Variants in SLC12A9 observed in about 807,000 individuals in gnomAD.
The protein encoded by SLC12A9 is solute carrier family 12 member 9, also known as CCC-interacting protein 1.
In SLC12A9, 55 loss-of-function variants were observed where a neutral mutation model predicts 66.0. The ratio of observed to expected loss-of-function variants is 0.83; its 90% confidence interval spans 0.67 to 1.04. The LOEUF is 1.04. SLC12A9 is among the 50% of genes least tolerant of loss of function. SLC12A9 has a pLI of 0.00. For synonymous variants in SLC12A9, 577 were observed against 569.0 expected (o/e 1.01, Z -0.20); for missense variants, 1,061 against 1,241.9 (o/e 0.85, Z 2.19).
At chr7:100,855,989 G>A in intron 4 of SLC12A9, 152 bp downstream of exon 4, 2 of 1,219,160 alleles carry the variant, frequency 1.6e-6, no homozygotes, top group Non-Finnish European at 2.2e-6. Context: ...CATCGTGCAG[G>A]AGATATGGAC....
At chr7:100,837,462 C>CCTCTCT in intron 1 of SLC12A9, 1 of 152,344 alleles carries the variant, frequency 6.6e-6, no homozygotes, top group African/African-American at 2.4e-5. Context: ...CGTTGGTTGC[C>CCTCTCT]CTCTCTCTGA....
At chr7:100,865,142 G>C in intron 13 of SLC12A9, 1 of 931,994 alleles carries the variant, frequency 1.1e-6, no homozygotes, top group Non-Finnish European at 1.7e-6. Flanking sequence ...ATTTTTAGTA[G>C]AGATAGCATT....
At chr7:100,864,567 C>A (rs1414197327) in intron 13 of SLC12A9, among the ~76,000 whole-genome samples, 1 of 140,898 alleles carries the variant, frequency 7.1e-6, no homozygotes, top group Non-Finnish European at 1.6e-5. Flanking sequence ...AAGGGTTGTT[C>A]AAAAATTAAG....
exon 1 of SLC12A9, chr7:100,826,966 C>CG (rs1554421557): frequency 6.8e-7 from 1 of 1,475,272 alleles, no homozygotes; most frequent in Non-Finnish European, 9.0e-7. Context: ...CCCCCCCCCG[C>CG]AAGGAAACTC....
intron 1 of SLC12A9, among the ~76,000 whole-genome samples, chr7:100,831,003 C>T (rs1052922279): frequency 1.3e-5 from 2 of 152,122 alleles, no homozygotes; most frequent in Non-Finnish European, 2.9e-5. Context: ...GCAGACCAAA[C>T]CAAACTCAGC....
intron 1 of SLC12A9, among the ~76,000 whole-genome samples, chr7:100,836,087 C>T (rs1813652614): frequency 6.6e-6 from 1 of 152,122 alleles, no homozygotes; most frequent in Non-Finnish European, 1.5e-5. Context: ...TGAGGCCAAG[C>T]CCCCCCATGC....
rs1020340027 is a variant in SLC12A9, at chr7:100,866,678, G to A, written c.*73G>A. 4 of 1,398,086 alleles carry A rather than the reference G, an allele frequency of 2.9e-6. No homozygotes were observed. In the Admixed American group the frequency reaches 8.7e-5, roughly 30 times the overall value. The allele number at this position is 1,398,086 out of a possible 1,614,324, so 86.6% of individuals were successfully genotyped here. ...ATCCTGATCCTTGGAGGAGGAGGAAGAGGAGGCCACTGTGGCCCGTGGCCC... is the reference window on the plus strand; with the variant it reads ...ATCCTGATCCTTGGAGGAGGAGGAAAAGGAGGCCACTGTGGCCCGTGGCCC... On this transcript the variant is annotated 3_prime_UTR_variant, in exon 14 of 14. Coordinates refer to ENST00000354161, the MANE Select transcript of SLC12A9 (RefSeq NM_020246.4). The surrounding 1 kb of genome is among the most constrained non-coding windows in gnomAD (Gnocchi z 7.3).
chr7:100,830,700 A>G (rs921190965), intron 1 of SLC12A9, among the ~76,000 whole-genome samples: 3 of 152,082 alleles, frequency 2.0e-5, no homozygotes, highest in African/African-American at 7.2e-5. Flanking sequence ...TTTGTAAAAC[A>G]TGGTTCCTGG....
rs200992074 is a variant in SLC12A9, at chr7:100,866,334, G to A, written c.2474G>A (p.Arg825Gln). The A allele has an allele frequency of 6.9e-5, 104 of 1,507,190 alleles. No individual in the cohort carries two copies. In the African/African-American group the frequency reaches 7.3e-4, roughly 11 times the overall value. 93.4% of individuals were successfully genotyped at this position (1,507,190 alleles called of 1,614,324 possible). The change falls in exon 14 of 14, where the codon CGG becomes CAG. Residue 825 changes from arginine (R) to glutamine (Q), a missense_variant. Physicochemically the swap from Arg to Gln is conservative, Grantham distance 43. Transcript: ENST00000354161. This position sits in a 1 kb window ranked among gnomAD's most constrained non-coding sequence, Gnocchi z 7.3. ...GAAGGGGACTTTGTGAACAGTGGGC[G>A]GGGAGACGCAGAGGCAGAGGCCCTG... ...EEEGDFVNSGRGDAEAEALAR... is the reference protein window; with the variant it reads ...EEEGDFVNSGQGDAEAEALAR...
chr7:100,833,465 T>C (rs1188194860), intron 1 of SLC12A9, among the ~76,000 whole-genome samples: 1 of 150,532 alleles, frequency 6.6e-6, no homozygotes, highest in Non-Finnish European at 1.5e-5. Context: ...CGAGACTCTG[T>C]CTCAAAGCAA....
chr7:100,863,928 A>G (rs1814917584), intron 13 of SLC12A9, among the ~76,000 whole-genome samples: 1 of 152,158 alleles, frequency 6.6e-6, no homozygotes, highest in African/African-American at 2.4e-5. Flanking sequence ...ACCTGCGGAG[A>G]TGTTTTGGGG....
chr7:100,859,703 C>A (rs1009373934), intron 7 of SLC12A9, 182 bp from the exon 8 acceptor site: 7 of 725,020 alleles, frequency 9.7e-6, no homozygotes, highest in South Asian at 2.0e-5. Context: ...GGAGTGAGAC[C>A]TTGTCTCTTA....
At chr7:100,856,031 T>C in intron 4 of SLC12A9, 194 bp downstream of exon 4, 4 of 748,106 alleles carry the variant, frequency 5.3e-6, no homozygotes, top group Non-Finnish European at 5.8e-6. Flanking sequence ...TGCAGGGAGC[T>C]AACCATCTAA....
At chr7:100,834,703 G>A (rs2116500767) in intron 1 of SLC12A9, among the ~76,000 whole-genome samples, 1 of 152,178 alleles carries the variant, frequency 6.6e-6, no homozygotes. Context: ...GCAACATGAT[G>A]AATCCTCATC....
intron 1 of SLC12A9, among the ~76,000 whole-genome samples, chr7:100,842,437 G>T (rs577313658): frequency 6.6e-6 from 1 of 152,256 alleles, no homozygotes; most frequent in South Asian, 2.1e-4. Context: ...CTCAGACTGG[G>T]CATTAGTAAA....
At chr7:100,833,932 C>CAAAAAAAAAAAAA (rs60667059) in intron 1 of SLC12A9, among the ~76,000 whole-genome samples, 4 of 63,076 alleles carry the variant, frequency 6.3e-5, no homozygotes, top group African/African-American at 3.6e-4. Context: ...GACTCTGTCT[C>CAAAAAAAAAAAAA]AAAAAAAAAA....
At chr7:100,833,890 G>A (rs1404926600) in intron 1 of SLC12A9, among the ~76,000 whole-genome samples, 3 of 126,154 alleles carry the variant, frequency 2.4e-5, no homozygotes, top group Admixed American at 9.1e-5. Flanking sequence ...CCCAGATCAC[G>A]CCACTGCACT....
rs763438920 is a variant in SLC12A9 at position 100,860,252 on chromosome 7, G to T, written c.1218+20G>T. ...GTGCAGGTGAGCCTTCTTCTTCAAG[G>T]GGCCCTTTCCCTCACCCCACCAGCT... On this transcript the variant is annotated intron_variant, in intron 9 of 13. Transcript: ENST00000354161. 2.5e-6 allele frequency: 4 copies of T among 1,611,086 alleles called. No individual in the cohort carries two copies. In the African/African-American group the frequency reaches 5.3e-5, roughly 22 times the overall value.
At position 100,859,990 on chromosome 7, in the gene SLC12A9, G is replaced by T. The variant is rs148126705; in HGVS notation, c.1083G>T (p.Ser361=). Reference sequence around the variant, plus strand: ...CAGCGCTCTCAGCGTCCATGAGCTCGCTCATTGGTGCCTCCCGCATCCTCC... The same window carrying T: ...CAGCGCTCTCAGCGTCCATGAGCTCTCTCATTGGTGCCTCCCGCATCCTCC... ...YATALSASMS[S]LIGASRILHA... Residue 361 remains serine (S), a synonymous_variant, in exon 8 of 14, where the codon TCG becomes TCT. Coordinates refer to ENST00000354161, the MANE Select transcript of SLC12A9 (RefSeq NM_020246.4). The T allele has an allele frequency of 3.1e-6, 5 of 1,613,276 alleles. No homozygotes were observed. The highest frequency in any genetic ancestry group is 1.3e-5 in the African/African-American group (1 of 74,892).
Sources: gnomAD v4.1 joint callset for allele counts (sites outside exome capture counted in the v4.1 genomes callset) on GRCh38, gnomAD v4.1.1 for gene constraint, Gnocchi (gnomAD v3.1) non-coding constraint, MANE v1.5 for transcripts, NCBI Gene and HGNC (gene_info 2026-07-23, HGNC 2026-07-21) for gene names.